Variants in NUDCD1 observed in about 807,000 individuals in gnomAD.
The protein encoded by NUDCD1 is NudC domain containing 1, also known as nudC domain-containing protein 1.
In NUDCD1, 60 loss-of-function variants were observed where a neutral mutation model predicts 67.8. The ratio of observed to expected loss-of-function variants is 0.88; its 90% CI spans 0.72 to 1.10. NUDCD1 has a LOEUF of 1.10. NUDCD1 is among the 50% of genes least tolerant of loss of function. The pLI, the probability that NUDCD1 is intolerant of heterozygous loss-of-function variation, is 0.00. For missense variants in NUDCD1, 643 were observed against 695.0 expected, an observed-to-expected ratio of 0.93 and a Z score of 0.84; for synonymous variants, 244 against 230.8, an observed-to-expected ratio of 1.06 and a Z score of -0.52.
chr8:109,310,623 C>A (rs928704068), intron 2 of NUDCD1, among the ~76,000 whole-genome samples: 2 of 152,096 alleles, frequency 1.3e-5, no homozygotes, highest in African/African-American at 4.8e-5. Context: ...ACAGCTGGGA[C>A]TTAATTAAAC....
chr8:109,277,568 A>C (rs911306644), intron 6 of NUDCD1, among the ~76,000 whole-genome samples: 2 of 152,220 alleles, frequency 1.3e-5, no homozygotes, highest in Non-Finnish European at 2.9e-5. Flanking sequence ...AGAGGTACGA[A>C]TAATTTACTC....
intron 2 of NUDCD1, among the ~76,000 whole-genome samples, chr8:109,311,301 G>C (rs961469647): frequency 6.6e-6 from 1 of 152,092 alleles, no homozygotes; most frequent in African/African-American, 2.4e-5. Context: ...TGTGAACAGG[G>C]AACACTTCTG....
chr8:109,329,825 AG>A, intron 1 of NUDCD1: 2 of 1,551,112 alleles, frequency 1.3e-6, no homozygotes, highest in Non-Finnish European at 1.7e-6. Context: ...CCAACCCTGG[AG>A]ATAAAGCATT....
intron 4 of NUDCD1, among the ~76,000 whole-genome samples, chr8:109,292,545 T>C (rs1178801668): frequency 6.6e-6 from 1 of 152,106 alleles, no homozygotes; most frequent in Non-Finnish European, 1.5e-5. Context: ...TCTACAGAGA[T>C]GAATGATAAT....
At chr8:109,307,250 C>T (rs577789190) in intron 2 of NUDCD1, among the ~76,000 whole-genome samples, 12 of 152,198 alleles carry the variant, frequency 7.9e-5, no homozygotes, top group Non-Finnish European at 1.5e-4. Flanking sequence ...TTCCCATCCC[C>T]GCCCTTAAGA....
chr8:109,293,174 T>C (rs1474067348), intron 4 of NUDCD1, among the ~76,000 whole-genome samples, 170 bp downstream of exon 4: 1 of 152,072 alleles, frequency 6.6e-6, no homozygotes, highest in African/African-American at 2.4e-5. Context: ...CTATAAAATA[T>C]ACCTGAGGAA....
At chr8:109,260,497 G>T (rs1337851602) in intron 8 of NUDCD1, among the ~76,000 whole-genome samples, 1 of 152,158 alleles carries the variant, frequency 6.6e-6, no homozygotes, top group Non-Finnish European at 1.5e-5. Flanking sequence ...ACTGCGCCTG[G>T]CCCATATGCT....
intron 4 of NUDCD1, among the ~76,000 whole-genome samples, chr8:109,290,236 C>T (rs1015571814): frequency 6.6e-6 from 1 of 152,138 alleles, no homozygotes; most frequent in Non-Finnish European, 1.5e-5. Context: ...GTCATACTAG[C>T]CACATTTTAA....
At chr8:109,319,471 G>T (rs1371685769) in intron 2 of NUDCD1, among the ~76,000 whole-genome samples, 3 of 152,186 alleles carry the variant, frequency 2.0e-5, no homozygotes. Context: ...AGCACATGTA[G>T]ATTTGAGAGC....
Position 109,270,099 on chromosome 8 carries a change from G to C in NUDCD1, c.1299+906C>G, listed in dbSNP as rs1193416791. On this transcript the variant is annotated intron_variant, in intron 8 of 9. Coordinates refer to ENST00000239690, the MANE Select transcript of NUDCD1 (RefSeq NM_032869.4). ...GGGGGGGGGTGCCTTAAGGTGGGGT[G>C]TGAAATATATGCATATATGGCACAC... 5.8e-4 allele frequency among the ~76,000 whole-genome samples: 75 copies of C among 128,768 alleles called. 4 individuals are homozygous for C. Among genetic ancestry groups the C allele is most frequent in the Non-Finnish European group, 9.4e-4 (59 of 62,490 alleles). 84.5% of individuals were successfully genotyped at this position (128,768 alleles called of 152,430 possible).
Position 109,291,529 on chromosome 8 carries a change from A to G in NUDCD1, c.641-1596T>C, listed in dbSNP as rs1814712016. On this transcript the variant is annotated intron_variant, in intron 4 of 9. Transcript: ENST00000239690. ...ATTTTATGTCCACATTTTCAAACTT[A>G]TCTGACCATAAATATACTTTATGAA... 2.6e-5 allele frequency among the ~76,000 whole-genome samples: 4 copies of G among 152,218 alleles called. No individual in the cohort carries two copies. The South Asian group carries it at 8.3e-4, about 32-fold the overall frequency.
intron 2 of NUDCD1, among the ~76,000 whole-genome samples, chr8:109,300,314 A>G (rs1370590165): frequency 1.3e-5 from 2 of 148,484 alleles, no homozygotes; most frequent in East Asian, 2.0e-4. Flanking sequence ...GGGAGGCATC[A>G]GAGAAAGGCA....
chr8:109,328,173 T>C (rs1050553700), intron 1 of NUDCD1, among the ~76,000 whole-genome samples: 9 of 152,124 alleles, frequency 5.9e-5, no homozygotes, highest in African/African-American at 2.2e-4. Flanking sequence ...ACCACCAATC[T>C]AGTTTACTGC....
chr8:109,253,903 CAG>C (rs769776675), intron 8 of NUDCD1, among the ~76,000 whole-genome samples: 19 of 151,748 alleles, frequency 1.3e-4, no homozygotes, highest in Non-Finnish European at 2.1e-4. Context: ...AAGTGGAAAA[CAG>C]GGGAAGTAAA....
At chr8:109,296,688 T>G in intron 2 of NUDCD1, 119 bp from the exon 3 acceptor site, 1 of 674,244 alleles carries the variant, frequency 1.5e-6, no homozygotes. Context: ...TAATTCCTCT[T>G]CCTTTGATGT....
At chr8:109,307,919 A>T (rs1252750513) in intron 2 of NUDCD1, among the ~76,000 whole-genome samples, 1 of 152,222 alleles carries the variant, frequency 6.6e-6, no homozygotes. Flanking sequence ...CAATAGGAAA[A>T]TACCACAATC....
chr8:109,250,126 T>A (rs1813590460), intron 8 of NUDCD1, among the ~76,000 whole-genome samples: 1 of 152,174 alleles, frequency 6.6e-6, no homozygotes, highest in South Asian at 2.1e-4. Context: ...ATTACAGGTG[T>A]GAGCCACTGG....
Position 109,322,448 on chromosome 8 carries a change from T to C in NUDCD1, c.134A>G (p.Lys45Arg). The C allele has an allele frequency of 6.3e-7, 1 of 1,590,216 alleles. No homozygotes were observed. The change falls in exon 2 of 10, where the codon AAA becomes AGA. Residue 45 changes from lysine to arginine, a missense_variant. Transcript: ENST00000239690. ...LELDAAVAEV[K>R]LRDDQYTLEH... The stretch of plus-strand genomic sequence containing the variant: ...CAGTGTATATTGATCATCTCGAAGT[T>C]TTACCTCTGCCACAGCTGAAATACA...
At chr8:109,275,264 C>A (rs994440379) in intron 7 of NUDCD1, 88 bp downstream of exon 7, 1 of 1,317,950 alleles carries the variant, frequency 7.6e-7, no homozygotes, top group South Asian at 1.4e-5. Context: ...TTAGGAAAAG[C>A]AAAATATTGT....
Sources: gnomAD v4.1 joint callset for allele counts (sites outside exome capture counted in the v4.1 genomes callset) on GRCh38, gnomAD v4.1.1 for gene constraint, MANE v1.5 for transcripts, NCBI Gene and HGNC (gene_info 2026-07-23, HGNC 2026-07-21) for gene names.